NCKAP5: variants seen among roughly 807,000 people sequenced by gnomAD.
NCKAP5 encodes nck-associated protein 5.
In NCKAP5, 92 loss-of-function variants were observed where a neutral mutation model predicts 167.0. The observed-to-expected ratio is 0.55, with a 90% CI of 0.47 to 0.66. NCKAP5 has a LOEUF of 0.66. Ranked by LOEUF, NCKAP5 falls within the 30% of genes least tolerant of loss-of-function variation. NCKAP5 has a pLI of 0.00. For missense variants in NCKAP5, 2,378 were observed against 2,315.0 expected, an observed-to-expected ratio of 1.03 and a Z score of -0.56; for synonymous variants, 891 against 877.4, an observed-to-expected ratio of 1.02 and a Z score of -0.27.
Position 133,286,248 on chromosome 2 carries a change from G to A in NCKAP5, c.143+16789C>T, listed in dbSNP as rs544505389. On this transcript the variant is annotated intron_variant, in intron 4 of 19. Coordinates refer to ENST00000409261, the MANE Select transcript of NCKAP5 (RefSeq NM_207363.3). Reference sequence around the variant, plus strand: ...CCTAACCTCGTGATCCGCCTGCCTCGGCCTCCCAAAGTGCTGGGATTACAG... The same window carrying A: ...CCTAACCTCGTGATCCGCCTGCCTCAGCCTCCCAAAGTGCTGGGATTACAG... Among the ~76,000 whole-genome samples the A allele has an allele frequency of 1.4e-3, 208 of 151,914 alleles. 3 individuals are homozygous for A. Among genetic ancestry groups the A allele is most frequent in the Non-Finnish European group, 1.2e-3 (80 of 67,926 alleles).
intron 3 of NCKAP5, among the ~76,000 whole-genome samples, chr2:133,381,934 G>A (rs1686554487): frequency 6.6e-6 from 1 of 152,208 alleles, no homozygotes; most frequent in Admixed American, 6.5e-5. Context: ...CCACAAAGGG[G>A]AAAGCTCCTC....
chr2:132,996,933 A>G (rs2077620343), intron 6 of NCKAP5, among the ~76,000 whole-genome samples: 8 of 152,216 alleles, frequency 5.3e-5, no homozygotes, highest in Admixed American at 5.2e-4. Flanking sequence ...CTCTCTGTCC[A>G]GAACCTGAAC....
chr2:133,588,572 C>G, the NCKAP5 span, among the ~76,000 whole-genome samples: 7 of 152,028 alleles, frequency 4.6e-5, no homozygotes, highest in Non-Finnish European at 7.3e-5. Context: ...CTGGGAGCCA[C>G]GCACTCTTTA....
chr2:133,303,010 G>C, intron 4 of NCKAP5, 27 bp downstream of exon 4: 1 of 1,539,076 alleles, frequency 6.5e-7, no homozygotes, highest in Non-Finnish European at 8.9e-7. Context: ...ACCTGAGCAA[G>C]CAAATAAGAA....
the NCKAP5 span, among the ~76,000 whole-genome samples, chr2:133,635,742 A>C: frequency 6.6e-6 from 1 of 152,170 alleles, no homozygotes; most frequent in Non-Finnish European, 1.5e-5. Context: ...TAATAAGATG[A>C]AAAAAATAGT....
chr2:133,107,491 T>A (rs1172650709), intron 6 of NCKAP5, among the ~76,000 whole-genome samples: 1 of 152,192 alleles, frequency 6.6e-6, no homozygotes, highest in East Asian at 1.9e-4. Flanking sequence ...TAATTTAACG[T>A]TAGTAAATCC....
Position 133,458,831 on chromosome 2 carries a change from T to C in NCKAP5, c.69+58627A>G, listed in dbSNP as rs140987222. Among the ~76,000 whole-genome samples the C allele has an allele frequency of 4.4e-3, 663 of 152,274 alleles. 6 individuals are homozygous for C. The highest frequency in any genetic ancestry group is 0.015 in the African/African-American group (613 of 41,546). On this transcript the variant is annotated intron_variant, in intron 3 of 19. Transcript: ENST00000409261. ...GCCACAGTCTGTTTAAATTGTTAAG[T>C]TATCAATGTTGTCAAATTGAGATGT... is the stretch of plus-strand genomic sequence containing the variant.
intron 2 of NCKAP5, among the ~76,000 whole-genome samples, chr2:133,521,995 T>C (rs1368093): frequency 0.59 from 89,091 of 151,976 alleles, 27,700 homozygotes; most frequent in East Asian, 0.91. Flanking sequence ...CTGCCCCCTT[T>C]CCACCTCACC....
chr2:133,623,195 A>C, the NCKAP5 span, among the ~76,000 whole-genome samples: 6 of 152,162 alleles, frequency 3.9e-5, no homozygotes, highest in Admixed American at 3.3e-4. Context: ...AACCATAAAG[A>C]CTCCAGAAGA....
intron 11 of NCKAP5, among the ~76,000 whole-genome samples, chr2:132,813,859 C>T (rs1686070397): frequency 6.6e-6 from 1 of 152,300 alleles, no homozygotes; most frequent in South Asian, 2.1e-4. Context: ...AAATGAAATT[C>T]AGAGTTTGAG....
chr2:133,108,805 G>C (rs1419997066), intron 6 of NCKAP5, among the ~76,000 whole-genome samples: 1 of 152,130 alleles, frequency 6.6e-6, no homozygotes, highest in African/African-American at 2.4e-5. Context: ...TCTGTGTCTG[G>C]ATTATTTCAC....
rs150257345 is a variant in NCKAP5 at position 133,027,472 on chromosome 2, G to T, written c.342-33233C>A. Reference sequence around the variant, plus strand: ...TCTCCCCAATAATTAGATGAAGCACGTGAGACAGGCAGGTCAAGTGACTAG... The same window carrying T: ...TCTCCCCAATAATTAGATGAAGCACTTGAGACAGGCAGGTCAAGTGACTAG... On this transcript the variant is annotated intron_variant, in intron 6 of 19. Transcript: ENST00000409261. 1.3e-4 allele frequency among the ~76,000 whole-genome samples: 20 copies of T among 152,272 alleles called. No homozygotes were observed. The East Asian group carries it at 3.5e-3, about 26-fold the overall frequency.
chr2:133,552,432 C>T (rs1262560762), intron 2 of NCKAP5, among the ~76,000 whole-genome samples: 2 of 146,244 alleles, frequency 1.4e-5, no homozygotes, highest in East Asian at 2.1e-4. Flanking sequence ...ATGATGAGTT[C>T]GTGTCCTTTG....
At chr2:133,212,050 G>A (rs1046847056) in intron 5 of NCKAP5, among the ~76,000 whole-genome samples, 3 of 152,122 alleles carry the variant, frequency 2.0e-5, no homozygotes, top group Middle Eastern at 3.2e-3. Flanking sequence ...TTCATATCAC[G>A]AAAACTTCAC....
intron 3 of NCKAP5, among the ~76,000 whole-genome samples, chr2:133,428,621 T>C (rs1413789854): frequency 6.6e-6 from 1 of 152,066 alleles, no homozygotes; most frequent in Non-Finnish European, 1.5e-5. Flanking sequence ...AAAATAGACA[T>C]AATTTACATA....
intron 6 of NCKAP5, among the ~76,000 whole-genome samples, chr2:133,090,449 G>A (rs1282193468): frequency 6.6e-6 from 1 of 151,990 alleles, no homozygotes; most frequent in Admixed American, 6.5e-5. Flanking sequence ...GGGAGACCAT[G>A]GAGGCAGAAA....
chr2:133,499,441 AAACC>A (rs1000213678), intron 3 of NCKAP5, among the ~76,000 whole-genome samples: 4 of 152,250 alleles, frequency 2.6e-5, no homozygotes, highest in African/African-American at 9.6e-5. Flanking sequence ...CCATGCAAAA[AAACC>A]AACACCAGGT....
chr2:133,016,898 C>T (rs898652506), intron 6 of NCKAP5, among the ~76,000 whole-genome samples: 1 of 152,122 alleles, frequency 6.6e-6, no homozygotes, highest in African/African-American at 2.4e-5. Flanking sequence ...ATGAAAACAC[C>T]TTTTAATATG....
At chr2:133,408,427 C>A (rs1018159170) in intron 3 of NCKAP5, among the ~76,000 whole-genome samples, 4 of 152,170 alleles carry the variant, frequency 2.6e-5, no homozygotes, top group African/African-American at 9.7e-5. Flanking sequence ...TTGCTCCTCT[C>A]CAAGACTATA....
Sources: allele counts gnomAD v4.1 joint callset (sites outside exome capture counted in the v4.1 genomes callset), GRCh38; gene constraint gnomAD v4.1.1; transcripts MANE v1.5; gene names NCBI Gene and HGNC (gene_info 2026-07-23, HGNC 2026-07-21).